CPPED1: variants seen among roughly 807,000 people sequenced by gnomAD.
CPPED1 encodes the protein serine/threonine-protein phosphatase CPPED1.
A neutral mutation model predicts 28.0 loss-of-function variants in CPPED1; 28 were observed. The observed-to-expected ratio is 1.00, with a 90% confidence interval of 0.74 to 1.37. The LOEUF (loss-of-function observed/expected upper bound fraction) is 1.37, where lower values mean the gene tolerates loss of function less well. Among genes scored for constraint, CPPED1 ranks in the 40% most tolerant of loss-of-function variants. The pLI, the probability that CPPED1 is intolerant of heterozygous loss-of-function variation, is 0.00. For synonymous variants in CPPED1, 198 were observed against 180.2 expected, an observed-to-expected ratio of 1.10 and a Z score of -0.79; for missense variants, 504 against 416.5, an observed-to-expected ratio of 1.21 and a Z score of -1.83.
At chr16:12,739,229 G>A (rs2080241981) in intron 2 of CPPED1, among the ~76,000 whole-genome samples, 1 of 152,158 alleles carries the variant, frequency 6.6e-6, no homozygotes, top group African/African-American at 2.4e-5. Flanking sequence ...CTAAATGAAT[G>A]GATAAATGAA....
intron 2 of CPPED1, among the ~76,000 whole-genome samples, chr16:12,719,139 C>T (rs1460482801): frequency 6.6e-6 from 1 of 151,978 alleles, no homozygotes; most frequent in Non-Finnish European, 1.5e-5. Flanking sequence ...ACCATAAGAA[C>T]AGTATGGACT....
intron 2 of CPPED1, among the ~76,000 whole-genome samples, chr16:12,770,620 TGA>T (rs1441184659): frequency 6.6e-6 from 1 of 152,022 alleles, no homozygotes; most frequent in Non-Finnish European, 1.5e-5. Flanking sequence ...GTCAGGAGTT[TGA>T]GACCAGCCTG....
intron 2 of CPPED1, among the ~76,000 whole-genome samples, chr16:12,722,283 G>C (rs1435377568): frequency 6.6e-6 from 1 of 152,192 alleles, no homozygotes; most frequent in East Asian, 1.9e-4. Context: ...GCAGCCAAAA[G>C]AACAACAAAA....
intron 3 of CPPED1, among the ~76,000 whole-genome samples, chr16:12,697,622 G>A (rs367969769): frequency 1.4e-4 from 22 of 152,252 alleles, no homozygotes; most frequent in African/African-American, 2.6e-4. Flanking sequence ...AATTATCACC[G>A]GCAGGCCTAC....
intron 2 of CPPED1, among the ~76,000 whole-genome samples, chr16:12,729,505 T>C (rs1158732950): frequency 1.3e-5 from 2 of 152,196 alleles, no homozygotes; most frequent in Non-Finnish European, 2.9e-5. Flanking sequence ...AATAAAGATG[T>C]GGAATCAGAA....
At chr16:12,719,517 C>A (rs2080127107) in intron 2 of CPPED1, among the ~76,000 whole-genome samples, 1 of 152,088 alleles carries the variant, frequency 6.6e-6, no homozygotes, top group South Asian at 2.1e-4. Flanking sequence ...TGGAAAGATA[C>A]CCAAGAAACT....
intron 1 of CPPED1, 97 bp from the exon 2 acceptor site, chr16:12,781,500 T>A: frequency 8.7e-6 from 9 of 1,028,590 alleles, no homozygotes; most frequent in Non-Finnish European, 1.3e-5. Context: ...CTATTTTTCT[T>A]AAATTAAGTA....
intron 2 of CPPED1, among the ~76,000 whole-genome samples, chr16:12,747,703 C>A (rs1186513856): frequency 6.6e-6 from 1 of 152,110 alleles, no homozygotes; most frequent in African/African-American, 2.4e-5. Context: ...CAGGCATGAG[C>A]CACCGCGCCC....
intron 2 of CPPED1, among the ~76,000 whole-genome samples, chr16:12,731,755 G>A (rs2080199037): frequency 6.6e-6 from 1 of 151,012 alleles, no homozygotes; most frequent in African/African-American, 2.4e-5. Flanking sequence ...CTTTTAAATG[G>A]AAGCAGGCAG....
rs949600510 is a variant in CPPED1, at chr16:12,682,290, C to G, written c.716-17175G>C. On this transcript the variant is annotated intron_variant, in intron 3 of 3. Coordinates refer to ENST00000381774, the MANE Select transcript of CPPED1 (RefSeq NM_018340.3). The surrounding 1 kb of genome is among the most constrained non-coding windows in gnomAD (Gnocchi z 6.1). ...ACTCAGGTGATCGACCCACTTTGGT[C>G]TCCCAAAAGTGCTGAGATTACAGAC... Among the ~76,000 whole-genome samples the G allele has an allele frequency of 7.9e-5, 12 of 152,108 alleles. No homozygotes were observed. Among genetic ancestry groups the G allele is most frequent in the Admixed American group, 3.3e-4 (5 of 15,264 alleles).
At chr16:12,666,908 TCA>T in intron 3 of CPPED1, among the ~76,000 whole-genome samples, 1 of 152,204 alleles carries the variant, frequency 6.6e-6, no homozygotes, top group South Asian at 2.1e-4. Context: ...GTAGGAGCTG[TCA>T]CCAGTACACC....
intron 2 of CPPED1, among the ~76,000 whole-genome samples, chr16:12,708,111 C>T (rs921502620): frequency 6.6e-6 from 1 of 152,134 alleles, no homozygotes; most frequent in African/African-American, 2.4e-5. Flanking sequence ...CGTGCCACTG[C>T]ACTCCAGCCT....
intron 2 of CPPED1, among the ~76,000 whole-genome samples, chr16:12,767,631 T>C (rs2080446930): frequency 6.6e-6 from 1 of 152,166 alleles, no homozygotes; most frequent in South Asian, 2.1e-4. Context: ...AGCCCATCCA[T>C]GGAGCTCACA....
chr16:12,703,150 T>C (rs1747292447), intron 3 of CPPED1, among the ~76,000 whole-genome samples: 1 of 152,246 alleles, frequency 6.6e-6, no homozygotes, highest in Non-Finnish European at 1.5e-5. Context: ...TTTGTTTCCT[T>C]GTCATCAAGA....
rs34298808 is a variant in CPPED1, at chr16:12,764,031, A to ATT, written c.289+17152_289+17153dup. ...TTGTGTCTTTTTTGCTCCCATTTGC[A>ATT]TTTTTTTTTTTTTTTTTACAAAAAG... On this transcript the variant is annotated intron_variant, in intron 2 of 3. Transcript: ENST00000381774. 1.1e-4 allele frequency among the ~76,000 whole-genome samples: 16 copies of ATT among 143,318 alleles called. No individual in the cohort carries two copies. In the East Asian group the frequency reaches 2.0e-3, roughly 18 times the overall value. 94.0% of individuals were successfully genotyped at this position (143,318 alleles called of 152,430 possible).
intron 3 of CPPED1, among the ~76,000 whole-genome samples, chr16:12,696,297 G>A (rs888501092): frequency 1.1e-4 from 17 of 152,302 alleles, no homozygotes; most frequent in African/African-American, 2.9e-4. Context: ...CACCCCAGGG[G>A]TGAGAAGCAT....
intron 2 of CPPED1, among the ~76,000 whole-genome samples, chr16:12,723,428 G>A (rs1044253290): frequency 2.0e-5 from 3 of 152,198 alleles, no homozygotes; most frequent in Non-Finnish European, 2.9e-5. Context: ...AAGTGAGGTC[G>A]TTAGGGTGAG....
Position 12,743,454 on chromosome 16 carries a change from G to A in CPPED1, c.289+37731C>T, listed in dbSNP as rs560332952. ...CTTAAACAAGACCCTAAAATGCACC[G>A]GTCATAAAGAAAATGGACAAAGTGG... On this transcript the variant is annotated intron_variant, in intron 2 of 3. Coordinates refer to ENST00000381774, the MANE Select transcript of CPPED1 (RefSeq NM_018340.3). Among the ~76,000 whole-genome samples, 28 of 152,036 alleles carry A rather than the reference G, an allele frequency of 1.8e-4. 1 individual carries two copies. In the South Asian group the frequency reaches 5.0e-3, roughly 27 times the overall value.
chr16:12,700,469 C>T (rs1033128519), intron 3 of CPPED1, among the ~76,000 whole-genome samples: 1 of 152,220 alleles, frequency 6.6e-6, no homozygotes, highest in African/African-American at 2.4e-5. Flanking sequence ...CGGCTCATTG[C>T]AATCTCCACC....
Sources: allele counts gnomAD v4.1 joint callset (sites outside exome capture counted in the v4.1 genomes callset), GRCh38; gene constraint gnomAD v4.1.1; non-coding constraint Gnocchi (gnomAD v3.1); transcripts MANE v1.5; gene names NCBI Gene and HGNC (gene_info 2026-07-23, HGNC 2026-07-21).